NRP1: variants seen among roughly 807,000 people sequenced by gnomAD.
NRP1 encodes the protein neuropilin 1, also known as neuropilin-1.
NRP1 carries 35 observed loss-of-function variants against 106.7 expected under a neutral mutation model. That is an observed-to-expected ratio of 0.33 (90% CI 0.25 to 0.43). The LOEUF is 0.43. Ranked by LOEUF, NRP1 falls within the 20% of genes least tolerant of loss-of-function variation. NRP1 has a pLI of 1.00. For synonymous variants in NRP1, 437 were observed against 417.9 expected, an observed-to-expected ratio of 1.05 and a Z score of -0.56; for missense variants, 1,024 against 1,170.4, an observed-to-expected ratio of 0.87 and a Z score of 1.83.
intron 2 of NRP1, among the ~76,000 whole-genome samples, chr10:33,311,044 A>T (rs1846573573): frequency 6.6e-6 from 1 of 152,154 alleles, no homozygotes; most frequent in Non-Finnish European, 1.5e-5. Flanking sequence ...CAGGCTGGTG[A>T]GTGTAAAGGG....
chr10:33,226,225 G>C lies in NRP1; in HGVS notation c.1046C>G (p.Thr349Ser), dbSNP rs1475387169. Residue 349 changes from threonine (T) to serine (S), a missense_variant, in exon 7 of 17, where the codon ACC (threonine) becomes AGC (serine). Physicochemically the swap from Thr to Ser is moderately conservative, Grantham distance 58 (BLOSUM62 1). Transcript: ENST00000374867. The stretch of plus-strand genomic sequence containing the variant: ...AGTCTTGACATAATATTTCTTCTTG[G>C]TTTCTTTTGAAATGGCGCCCTGTGT... ...VGTQGAISKETKKKYYVKTYK... is the reference protein window; with the variant it reads ...VGTQGAISKESKKKYYVKTYK... 6.2e-7 allele frequency: 1 copy of C among 1,614,014 alleles called. No homozygotes were observed. The highest frequency in any genetic ancestry group is 8.5e-7 in the Non-Finnish European group (1 of 1,180,046).
intron 4 of NRP1, among the ~76,000 whole-genome samples, chr10:33,262,384 C>T (rs933168561): frequency 5.9e-5 from 9 of 152,086 alleles, no homozygotes; most frequent in African/African-American, 7.2e-5. Context: ...TTCAAATCTT[C>T]GCTCAAATGT....
rs554670340 is a variant in NRP1, at chr10:33,253,911, C to G, written c.981+117G>C. The G allele has an allele frequency of 5.8e-6, 5 of 865,324 alleles. No individual in the cohort carries two copies. In the South Asian group the frequency reaches 9.9e-5, roughly 17 times the overall value. 53.6% of individuals were successfully genotyped at this position (865,324 alleles called of 1,614,324 possible). ...CTTGCAGTGATTTATACCTGATGGC[C>G]GTGAACCTATCTTCTCATTGGAGGC... On this transcript the variant is annotated intron_variant, in intron 6 of 16. Coordinates refer to ENST00000374867, the MANE Select transcript of NRP1 (RefSeq NM_003873.7).
intron 2 of NRP1, among the ~76,000 whole-genome samples, chr10:33,310,360 C>T (rs1405174469): frequency 6.7e-6 from 1 of 150,020 alleles, no homozygotes; most frequent in South Asian, 2.1e-4. Context: ...AAGCGATTCT[C>T]CTGCCTCAGC....
chr10:33,311,364 C>A (rs1846596812), intron 2 of NRP1, among the ~76,000 whole-genome samples: 1 of 152,124 alleles, frequency 6.6e-6, no homozygotes, highest in Non-Finnish European at 1.5e-5. Context: ...GGTGGGCCTG[C>A]CTTGGGGGCT....
chr10:33,209,767 G>A (rs1005002546), intron 9 of NRP1, among the ~76,000 whole-genome samples: 2 of 152,234 alleles, frequency 1.3e-5, no homozygotes, highest in African/African-American at 4.8e-5. Flanking sequence ...GTGAGCCTTC[G>A]AGACAGCCCA....
chr10:33,313,929 G>C (rs566494311), intron 2 of NRP1, among the ~76,000 whole-genome samples: 2 of 151,990 alleles, frequency 1.3e-5, no homozygotes, highest in Non-Finnish European at 2.9e-5. Flanking sequence ...AGTTTATTAC[G>C]TAAGTTCCTT....
intron 8 of NRP1, among the ~76,000 whole-genome samples, chr10:33,217,759 T>G (rs187498470): frequency 1.3e-5 from 2 of 152,350 alleles, no homozygotes; most frequent in East Asian, 3.8e-4. Context: ...TGTATTTCAC[T>G]TGGCAGCCTT....
chr10:33,222,402 G>A (rs923096902), intron 7 of NRP1, among the ~76,000 whole-genome samples: 2 of 152,048 alleles, frequency 1.3e-5, no homozygotes, highest in Non-Finnish European at 2.9e-5. Flanking sequence ...ATCCTTTTTT[G>A]ATTATTGGTA....
At chr10:33,250,492 G>T (rs1464515907) in intron 6 of NRP1, among the ~76,000 whole-genome samples, 2 of 152,192 alleles carry the variant, frequency 1.3e-5, no homozygotes, top group Non-Finnish European at 2.9e-5. Context: ...TGTAGGCTTA[G>T]AAATAGGAAG....
At position 33,179,722 on chromosome 10, in the gene NRP1, A is replaced by G. The variant is rs891712427; in HGVS notation, c.*354T>C. 5.1e-5 allele frequency: 12 copies of G among 236,970 alleles called. No individual in the cohort carries two copies. The highest frequency in any genetic ancestry group is 9.1e-5 in the Non-Finnish European group (11 of 120,766). 14.7% of individuals were successfully genotyped at this position (236,970 alleles called of 1,614,324 possible). A position where few individuals can be genotyped will look rare whatever the true frequency, so the allele number is the denominator to read the frequency against. ...CACACGGAATACGCTTGGTGCCAGC[A>G]TCTTGGATTTCGCTCAGTTTCCAAA... On this transcript the variant is annotated 3_prime_UTR_variant, in exon 17 of 17. Transcript: ENST00000374867.
At chr10:33,208,602 G>A (rs1479551205) in intron 9 of NRP1, among the ~76,000 whole-genome samples, 1 of 152,160 alleles carries the variant, frequency 6.6e-6, no homozygotes, top group African/African-American at 2.4e-5. Flanking sequence ...CCAAATGGGA[G>A]AAGGCGGAGG....
Position 33,270,834 on chromosome 10 carries a change from C to T in NRP1, c.271G>A (p.Asp91Asn), listed in dbSNP as rs533652148. ...AAATGTCCATTTTCATTTTCTCCAT[C>T]GAAGACTTCCACGTAGTCATACCTA... is the stretch of plus-strand genomic sequence containing the variant. ...DCKYDYVEVFDGENENGHFRG... is the reference protein window; with the variant it reads ...DCKYDYVEVFNGENENGHFRG... The change falls in exon 3 of 17, where the codon GAT (aspartate) becomes AAT (asparagine). Residue 91 changes from aspartate (D) to asparagine (N), a missense_variant. Asp to Asn is a conservative substitution (Grantham distance 23). Around this residue, in one of 5 missense-constraint regions of NRP1, gnomAD observed 279 missense variants for 327.4 expected, o/e 0.85. Coordinates refer to ENST00000374867, the MANE Select transcript of NRP1 (RefSeq NM_003873.7). 2.4e-5 allele frequency: 38 copies of T among 1,612,562 alleles called. No individual in the cohort carries two copies. Among genetic ancestry groups the T allele is most frequent in the Admixed American group, 6.7e-5 (4 of 59,840 alleles).
chr10:33,187,326 A>G (rs1836077331), intron 13 of NRP1, among the ~76,000 whole-genome samples: 1 of 152,240 alleles, frequency 6.6e-6, no homozygotes, highest in African/African-American at 2.4e-5. Context: ...CTGCTTGATA[A>G]TCATAAACCT....
Position 33,261,547 on chromosome 10 carries a change from C to T in NRP1, c.658+2099G>A, listed in dbSNP as rs189666372. On this transcript the variant is annotated intron_variant, in intron 4 of 16. Transcript: ENST00000374867. ...GAGTTTTGATAAGATTATCATAACC[C>T]TGTTTATATGGTAAAAGAGCAAAGA... is the stretch of plus-strand genomic sequence containing the variant. Among the ~76,000 whole-genome samples, 13 of 152,230 alleles carry T rather than the reference C, an allele frequency of 8.5e-5. No homozygotes were observed. The East Asian group carries it at 2.5e-3, about 29-fold the overall frequency.
rs1415214199 is a variant in NRP1 at position 33,275,490 on chromosome 10, C to T, written c.249-4634G>A. On this transcript the variant is annotated intron_variant, in intron 2 of 16. Transcript: ENST00000374867. ...GGCTGAGGCAGGAGAATCACTTGAA[C>T]CTGGGAGGTGGAGGCTGCAGTGAGC... 2.6e-5 allele frequency among the ~76,000 whole-genome samples: 4 copies of T among 152,048 alleles called. No individual in the cohort carries two copies. In the East Asian group the frequency reaches 7.7e-4, roughly 29 times the overall value.
chr10:33,197,898 T>A (rs922345551), intron 11 of NRP1, among the ~76,000 whole-genome samples, 189 bp from the exon 12 acceptor site: 3 of 106,448 alleles, frequency 2.8e-5, no homozygotes, highest in Non-Finnish European at 3.9e-5. Flanking sequence ...AAACCATTAT[T>A]TTTTTTTTTT....
chr10:33,192,715 G>A (rs560203729), intron 12 of NRP1, among the ~76,000 whole-genome samples: 4 of 152,282 alleles, frequency 2.6e-5, no homozygotes, highest in East Asian at 1.9e-4. Flanking sequence ...TCTAAAGCAC[G>A]TGTATTACAT....
Position 33,214,156 on chromosome 10 carries a change from G to C in NRP1, c.1283-439C>G, listed in dbSNP as rs1446599292. ...AGAGACAGTGATGCAGAGGTAAAGA[G>C]AACGAATGCATACTCAGCCTGCAGA... On this transcript the variant is annotated intron_variant, in intron 8 of 16. Transcript: ENST00000374867. Among the ~76,000 whole-genome samples, 4 of 152,278 alleles carry C rather than the reference G, an allele frequency of 2.6e-5. No individual in the cohort carries two copies. The East Asian group carries it at 7.7e-4, about 29-fold the overall frequency.
Sources: allele counts gnomAD v4.1 joint callset (sites outside exome capture counted in the v4.1 genomes callset), GRCh38; gene constraint gnomAD v4.1.1; regional missense constraint gnomAD v4.1.1; transcripts MANE v1.5; gene names NCBI Gene and HGNC (gene_info 2026-07-23, HGNC 2026-07-21).